HDC: variants seen among roughly 807,000 people sequenced by gnomAD.
The protein encoded by HDC is histidine decarboxylase.
A neutral mutation model predicts 64.4 loss-of-function variants in HDC; 27 were observed. That is an observed-to-expected ratio of 0.42 (90% CI 0.31 to 0.58). HDC has a LOEUF of 0.58. Among genes scored for constraint, HDC ranks in the 20% least tolerant of loss-of-function variants. The pLI is 0.16. For synonymous variants in HDC, 305 were observed against 314.2 expected, an observed-to-expected ratio of 0.97 and a Z score of 0.31; for missense variants, 711 against 833.9, an observed-to-expected ratio of 0.85 and a Z score of 1.81.
intron 10 of HDC, among the ~76,000 whole-genome samples, chr15:50,246,024 T>C (rs1457904552): frequency 6.6e-6 from 1 of 152,228 alleles, no homozygotes; most frequent in Non-Finnish European, 1.5e-5. Context: ...CACAGAAATA[T>C]GAAATTTAAT....
Position 50,252,670 on chromosome 15 carries a change from A to C in HDC, c.892T>G (p.Ser298Ala). Residue 298 changes from serine to alanine, a missense_variant, in exon 8 of 12, where the codon TCC (serine) becomes GCC (alanine). Around this residue, in one of 3 missense-constraint regions of HDC, gnomAD observed 483 missense variants for 540.9 expected, o/e 0.89. Coordinates refer to ENST00000267845, the MANE Select transcript of HDC (RefSeq NM_002112.4). ...GFLKGIEYAD[S>A]FTFNPSKWMM... ...CACTTGGAAGGATTAAAGGTGAAGG[A>C]GTCGGCATACTCAATCCCCTTCAGA... 1 of 1,614,190 alleles carries C rather than the reference A, an allele frequency of 6.2e-7. No individual in the cohort carries two copies.
intron 2 of HDC, among the ~76,000 whole-genome samples, chr15:50,260,719 G>A (rs1294823316): frequency 6.6e-6 from 1 of 152,178 alleles, no homozygotes; most frequent in Non-Finnish European, 1.5e-5. Flanking sequence ...GAGAACTGGG[G>A]CTGACAGAGA....
intron 10 of HDC, among the ~76,000 whole-genome samples, chr15:50,246,307 A>G (rs1311397253): frequency 6.6e-6 from 1 of 152,264 alleles, no homozygotes; most frequent in Non-Finnish European, 1.5e-5. Flanking sequence ...ATCAAATCAT[A>G]TCAAACAACT....
At chr15:50,253,557 A>T (rs1567451356) in intron 7 of HDC, 43 bp downstream of exon 7, 1 of 1,552,544 alleles carries the variant, frequency 6.4e-7, no homozygotes, top group Non-Finnish European at 8.9e-7. Context: ...GACATTTAAA[A>T]ATGTATTCCT....
At chr15:50,265,069 A>G (rs2045750039) in intron 1 of HDC, among the ~76,000 whole-genome samples, 1 of 152,230 alleles carries the variant, frequency 6.6e-6, no homozygotes, top group Non-Finnish European at 1.5e-5. Flanking sequence ...TTTCCTGCTA[A>G]GGGAGATCCA....
chr15:50,259,237 G>A (rs148668718), intron 2 of HDC, among the ~76,000 whole-genome samples: 3 of 152,186 alleles, frequency 2.0e-5, no homozygotes, highest in East Asian at 3.8e-4. Flanking sequence ...CTTGCAAAAG[G>A]CACCTTTTGT....
rs16963493 is a variant in HDC at position 50,243,431 on chromosome 15, C to T, written c.1141-187G>A. On this transcript the variant is annotated intron_variant, in intron 10 of 11. Transcript: ENST00000267845. ...TTCCAAGCTGGAAAATTTCCAATGGCGCCCTGTTTCCTGTCACATGGGATC... is the reference window on the plus strand; with the variant it reads ...TTCCAAGCTGGAAAATTTCCAATGGTGCCCTGTTTCCTGTCACATGGGATC... Among the ~76,000 whole-genome samples the T allele has an allele frequency of 7.6e-3, 1,150 of 152,294 alleles. 32 individuals are homozygous for T. The East Asian group carries it at 0.091, about 12-fold the overall frequency.
At position 50,242,227 on chromosome 15, in the gene HDC, T is replaced by C; in HGVS notation, c.*33A>G. The C allele has an allele frequency of 6.4e-7, 1 of 1,570,400 alleles. No individual in the cohort carries two copies. Among genetic ancestry groups the C allele is most frequent in the Non-Finnish European group, 8.8e-7 (1 of 1,140,474 alleles). On this transcript the variant is annotated 3_prime_UTR_variant, in exon 12 of 12. Transcript: ENST00000267845. ...TGAGGGGTTCACAGAGTCCCTGAAG[T>C]ATATCCTCAGACTCTGGCTGAAGGC...
intron 4 of HDC, 28 bp downstream of exon 4, chr15:50,257,397 C>G: frequency 6.2e-7 from 1 of 1,614,094 alleles, no homozygotes; most frequent in South Asian, 1.1e-5. Context: ...AGCCCCCAAG[C>G]TAGGTGAAGC....
In HDC at chr15:50,248,355, G is replaced by A. The variant is rs751596553; in HGVS notation, c.1042-12C>T. On this transcript the variant is annotated splice_polypyrimidine_tract_variant and intron_variant, in intron 9 of 11. Transcript: ENST00000267845. The surrounding 1 kb of genome is among the most constrained non-coding windows in gnomAD (Gnocchi z 4.3). ...GGGATCTGCCAGTGCTAGAAACAAAGGAACACAGTGCCCAAGGTTAGAGAC... is the reference window on the plus strand; with the variant it reads ...GGGATCTGCCAGTGCTAGAAACAAAAGAACACAGTGCCCAAGGTTAGAGAC... 6.9e-6 allele frequency: 11 copies of A among 1,597,002 alleles called. No homozygotes were observed. The highest frequency in any genetic ancestry group is 8.6e-6 in the Non-Finnish European group (10 of 1,164,682).
At chr15:50,254,364 T>C (rs1009553880) in intron 5 of HDC, 91 bp from the exon 6 acceptor site, 23 of 1,556,920 alleles carry the variant, frequency 1.5e-5, no homozygotes, top group Middle Eastern at 2.0e-4. Flanking sequence ...GGGAACCAAA[T>C]ATGATCATTG....
rs568353021 is a variant in HDC, at chr15:50,249,093, A to G, written c.1042-750T>C. Among the ~76,000 whole-genome samples, 4 of 152,192 alleles carry G rather than the reference A, an allele frequency of 2.6e-5. No individual in the cohort carries two copies. The East Asian group carries it at 7.7e-4, about 29-fold the overall frequency. ...AGATTCCTGTGATCTGAGAGCCATC[A>G]CTCCAGCTGTCAGATTTCAAATGAG... On this transcript the variant is annotated intron_variant, in intron 9 of 11. Coordinates refer to ENST00000267845, the MANE Select transcript of HDC (RefSeq NM_002112.4).
chr15:50,253,669 AG>A lies in HDC; in HGVS notation c.721-4del. 1 of 1,612,940 alleles carries A rather than the reference AG, an allele frequency of 6.2e-7. No individual in the cohort carries two copies. Among genetic ancestry groups the A allele is most frequent in the East Asian group, 2.2e-5 (1 of 44,888 alleles). On this transcript the variant is annotated splice_polypyrimidine_tract_variant and splice_region_variant and intron_variant, in intron 6 of 11. Transcript: ENST00000267845. ...GTGGTCCCTAGTGTTGCACAGACCT[AG>A]GGGAAAATTAAGGCAAGTTAACACA...
At chr15:50,252,340 G>A (rs1471403317) in intron 9 of HDC, 90 bp downstream of exon 9, 1 of 942,068 alleles carries the variant, frequency 1.1e-6, no homozygotes, top group Non-Finnish European at 1.7e-6. Context: ...CCTTCTGAAG[G>A]GAGCCACCGT....
rs748181529 is a variant in HDC at position 50,253,610 on chromosome 15, C to G, written c.777G>C (p.Leu259=). 7.4e-6 allele frequency: 12 copies of G among 1,613,862 alleles called. No homozygotes were observed. The South Asian group carries it at 1.3e-4, about 18-fold the overall frequency. Reference sequence around the variant, plus strand: ...AGGGAAGATACTTACAGATGGGGCCCAGCTCTGACAGGCAGTCAAATGCAC... The same window carrying G: ...AGGGAAGATACTTACAGATGGGGCCGAGCTCTGACAGGCAGTCAAATGCAC... The part of the protein sequence containing the change: ...GVCAFDCLSE[L]GPICAREGLW... The change falls in exon 7 of 12, where the codon CTG becomes CTC. Residue 259 remains leucine, a synonymous_variant. Transcript: ENST00000267845.
chr15:50,248,397 C>A lies in HDC; in HGVS notation c.1042-54G>T. The stretch of plus-strand genomic sequence containing the variant: ...GTTAGAGACAAGGGTGCCCCACTCC[C>A]TCGGGCATTTCTGGGCATTATCTGT... On this transcript the variant is annotated intron_variant, in intron 9 of 11. Coordinates refer to ENST00000267845, the MANE Select transcript of HDC (RefSeq NM_002112.4). The surrounding 1 kb of genome is among the most constrained non-coding windows in gnomAD (Gnocchi z 4.3). The A allele has an allele frequency of 7.8e-7, 1 of 1,281,748 alleles. No individual in the cohort carries two copies. The allele number at this position is 1,281,748 out of a possible 1,614,324, so 79.4% of individuals were successfully genotyped here.
At chr15:50,249,701 G>A (rs1033919937) in intron 9 of HDC, among the ~76,000 whole-genome samples, 5 of 152,138 alleles carry the variant, frequency 3.3e-5, no homozygotes, top group African/African-American at 1.2e-4. Context: ...AATAATGAAC[G>A]GATGATAGGG....
chr15:50,246,628 G>C (rs1284712048), intron 10 of HDC, among the ~76,000 whole-genome samples: 1 of 152,196 alleles, frequency 6.6e-6, no homozygotes, highest in Non-Finnish European at 1.5e-5. Flanking sequence ...AGGCCCAGGA[G>C]TGTGGGCCTC....
intron 4 of HDC, among the ~76,000 whole-genome samples, chr15:50,257,104 C>G (rs919239909): frequency 6.6e-6 from 1 of 152,198 alleles, no homozygotes; most frequent in Non-Finnish European, 1.5e-5. Context: ...TCTCCTTTCC[C>G]CTTTTACCGT....
Sources: allele counts gnomAD v4.1 joint callset (sites outside exome capture counted in the v4.1 genomes callset), GRCh38; gene constraint gnomAD v4.1.1; regional missense constraint gnomAD v4.1.1; non-coding constraint Gnocchi (gnomAD v3.1); transcripts MANE v1.5; gene names NCBI Gene and HGNC (gene_info 2026-07-23, HGNC 2026-07-21).